The following ATP11A variants were observed in gnomAD, a reference collection of about 807,000 sequenced individuals.
The protein encoded by ATP11A is ATPase phospholipid transporting 11A.
ATP11A carries 81 observed loss-of-function variants against 154.4 expected under a neutral mutation model. The ratio of observed to expected loss-of-function variants is 0.52; its 90% CI spans 0.44 to 0.63. The LOEUF (loss-of-function observed/expected upper bound fraction) is 0.63. ATP11A is among the 30% of genes least tolerant of loss of function. ATP11A has a pLI of 0.00. For missense variants in ATP11A, 1,316 were observed against 1,474.3 expected, an observed-to-expected ratio of 0.89 and a Z score of 1.76; for synonymous variants, 623 against 585.9, an observed-to-expected ratio of 1.06 and a Z score of -0.91.
intron 1 of ATP11A, among the ~76,000 whole-genome samples, chr13:112,721,217 G>A (rs915206388): frequency 6.6e-6 from 1 of 152,106 alleles, no homozygotes; most frequent in Non-Finnish European, 1.5e-5. Context: ...TGTAGCCTTA[G>A]GAATTTAGGA....
chr13:112,858,221 G>C lies in ATP11A; in HGVS notation c.2598G>C (p.Lys866Asn). 1.2e-6 allele frequency: 2 copies of C among 1,614,154 alleles called. No individual in the cohort carries two copies. Among genetic ancestry groups the C allele is most frequent in the Non-Finnish European group, 1.7e-6 (2 of 1,180,024 alleles). Reference protein sequence around the residue: ...YAIPKFKHLKKMLLVHGHFYY... With the variant: ...YAIPKFKHLKNMLLVHGHFYY... ...TCCCAAAGTTTAAGCATTTGAAGAA[G>C]ATGCTGCTTGTTCACGGGCATTTTT... Residue 866 changes from lysine (K) to asparagine (N), a missense_variant, in exon 22 of 30, where the codon AAG (lysine) becomes AAC (asparagine). Lys to Asn is a moderately conservative substitution (Grantham distance 94, BLOSUM62 0). Transcript: ENST00000375645.
intron 25 of ATP11A, among the ~76,000 whole-genome samples, chr13:112,863,408 C>G (rs71446664): frequency 6.9e-6 from 1 of 145,624 alleles, no homozygotes; most frequent in Non-Finnish European, 1.5e-5. Flanking sequence ...TCACCACCTG[C>G]GCAGTAATTC....
intron 26 of ATP11A, 67 bp downstream of exon 26, chr13:112,871,867 G>A (rs957381813): frequency 1.3e-4 from 185 of 1,455,540 alleles, no homozygotes; most frequent in Non-Finnish European, 3.6e-5. Context: ...GGCCTCACGC[G>A]CTCTGAGCTC....
intron 20 of ATP11A, among the ~76,000 whole-genome samples, chr13:112,857,223 C>A (rs2079956039): frequency 6.6e-6 from 1 of 152,108 alleles, no homozygotes; most frequent in South Asian, 2.1e-4. Flanking sequence ...TGAACTGTTA[C>A]ATTTAGGCAC....
chr13:112,797,366 A>G (rs891343159), intron 2 of ATP11A, among the ~76,000 whole-genome samples: 7 of 152,022 alleles, frequency 4.6e-5, no homozygotes, highest in Admixed American at 1.3e-4. Flanking sequence ...TCTCCAGTAA[A>G]AGTGGCTATT....
Position 112,882,168 on chromosome 13 carries a change from C to T in ATP11A, c.*302C>T, listed in dbSNP as rs539286633. On this transcript the variant is annotated 3_prime_UTR_variant, in exon 30 of 30. Transcript: ENST00000375645. The surrounding 1 kb of genome is among the most constrained non-coding windows in gnomAD (Gnocchi z 5.1). ...TTGCCCTCGAGCATGGCACCCTGGC[C>T]GCCTGGACCCAGCACTGTGGTTGTT... The T allele has an allele frequency of 2.3e-3, 2,920 of 1,281,414 alleles. 4 individuals are homozygous for T. The highest frequency in any genetic ancestry group is 3.1e-3 in the Admixed American group (151 of 48,904). The allele number at this position is 1,281,414 out of a possible 1,614,324, so 79.4% of individuals were successfully genotyped here.
intron 14 of ATP11A, among the ~76,000 whole-genome samples, chr13:112,834,204 C>T (rs2079171691): frequency 6.6e-6 from 1 of 152,222 alleles, no homozygotes; most frequent in Admixed American, 6.5e-5. Context: ...CTCTCAGGGT[C>T]CCTCTCCCTC....
chr13:112,878,378 C>G, intron 29 of ATP11A, 75 bp downstream of exon 29: 3 of 1,524,974 alleles, frequency 2.0e-6, no homozygotes, highest in Non-Finnish European at 2.7e-6. Context: ...CACCAGAGCC[C>G]TGAGTCCACG....
At chr13:112,821,840 G>A (rs1331364580) in intron 8 of ATP11A, among the ~76,000 whole-genome samples, 1 of 152,016 alleles carries the variant, frequency 6.6e-6, no homozygotes, top group African/African-American at 2.4e-5. Flanking sequence ...GTTTGTTTTC[G>A]TAAACACATG....
intron 25 of ATP11A, among the ~76,000 whole-genome samples, chr13:112,866,778 A>G (rs984315787): frequency 4.0e-5 from 6 of 150,652 alleles, no homozygotes; most frequent in African/African-American, 7.3e-5. Context: ...TACCTGCTTT[A>G]GTCGTTTTCA....
At chr13:112,778,962 T>G (rs1594657345) in intron 1 of ATP11A, among the ~76,000 whole-genome samples, 1 of 92,598 alleles carries the variant, frequency 1.1e-5, no homozygotes, top group African/African-American at 4.5e-5. Context: ...GCCGCTGGAG[T>G]GAGTAGCCGC....
chr13:112,725,929 C>T (rs1317626341), intron 1 of ATP11A, among the ~76,000 whole-genome samples: 1 of 152,258 alleles, frequency 6.6e-6, no homozygotes, highest in African/African-American at 2.4e-5. Context: ...AGGACGCCCT[C>T]AGAGCAAGGT....
chr13:112,777,371 C>T (rs2139983303), intron 1 of ATP11A, among the ~76,000 whole-genome samples: 1 of 152,318 alleles, frequency 6.6e-6, no homozygotes, highest in African/African-American at 2.4e-5. Flanking sequence ...TGAGACCAGC[C>T]TGGCCAACAC....
At chr13:112,874,735 C>T (rs1327246165) in intron 27 of ATP11A, among the ~76,000 whole-genome samples, 1 of 152,170 alleles carries the variant, frequency 6.6e-6, no homozygotes, top group Non-Finnish European at 1.5e-5. Context: ...GAGATGACAG[C>T]CCAGCTTGGA....
chr13:112,832,238 T>C (rs2079114574), intron 13 of ATP11A, among the ~76,000 whole-genome samples: 1 of 152,204 alleles, frequency 6.6e-6, no homozygotes, highest in Non-Finnish European at 1.5e-5. Flanking sequence ...TGTTCCTGAA[T>C]TTCCCCGCAC....
In ATP11A at chr13:112,832,985, C is replaced by A. The variant is rs754667207; in HGVS notation, c.1521C>A (p.Ser507=). 2.7e-5 allele frequency: 44 copies of A among 1,613,526 alleles called. No homozygotes were observed. Among genetic ancestry groups the A allele is most frequent in the Non-Finnish European group, 3.5e-5 (41 of 1,179,888 alleles). The part of the protein sequence containing the change: ...DGGKSCVYIS[S]SPDEVALVEG... ...GGAAATCCTGTGTGTACATCTCATC[C>A]TCGCCCGACGAGGTGGCGCTGGTCG... The change falls in exon 14 of 30, where the codon TCC becomes TCA. Residue 507 remains serine (S), a synonymous_variant. Coordinates refer to ENST00000375645, the MANE Select transcript of ATP11A (RefSeq NM_015205.3).
Position 112,696,049 on chromosome 13 carries a change from TC to T in ATP11A, c.39+5596del, listed in dbSNP as rs1478704134. 2.0e-5 allele frequency among the ~76,000 whole-genome samples: 3 copies of T among 152,210 alleles called. No individual in the cohort carries two copies. The highest frequency in any genetic ancestry group is 4.4e-5 in the Non-Finnish European group (3 of 68,036). ...GAGTCTGACAGACCCACATTCAAGT[TC>T]CGTCTCGGCTGACGGCTGCGTGGCC... On this transcript the variant is annotated intron_variant, in intron 1 of 29. Coordinates refer to ENST00000375645, the MANE Select transcript of ATP11A (RefSeq NM_015205.3). This position sits in a 1 kb window ranked among gnomAD's most constrained non-coding sequence, Gnocchi z 6.2.
At chr13:112,821,406 C>T (rs765097010) in intron 8 of ATP11A, among the ~76,000 whole-genome samples, 3 of 152,148 alleles carry the variant, frequency 2.0e-5, no homozygotes, top group African/African-American at 7.2e-5. Context: ...CTCCACCTCC[C>T]GGGTTCAAGC....
At chr13:112,717,142 T>G (rs1391319307) in intron 1 of ATP11A, among the ~76,000 whole-genome samples, 1 of 152,198 alleles carries the variant, frequency 6.6e-6, no homozygotes, top group Non-Finnish European at 1.5e-5. Flanking sequence ...GCTTCCGCCT[T>G]GAGGACGGCA....
Sources: gnomAD v4.1 joint callset for allele counts (sites outside exome capture counted in the v4.1 genomes callset) on GRCh38, gnomAD v4.1.1 for gene constraint, Gnocchi (gnomAD v3.1) non-coding constraint, MANE v1.5 for transcripts, NCBI Gene and HGNC (gene_info 2026-07-23, HGNC 2026-07-21) for gene names.